The following BCL2 variants were observed in gnomAD, a reference collection of about 807,000 sequenced individuals.
BCL2 encodes BCL2 apoptosis regulator.
In BCL2, 1 loss-of-function variant was observed where a neutral mutation model predicts 14.2. The observed-to-expected ratio is 0.07, with a 90% CI of 0.02 to 0.33. The LOEUF is 0.33. BCL2 is among the 10% of genes least tolerant of loss of function. The pLI, the probability that BCL2 is intolerant of heterozygous loss-of-function variation, is 0.99. For synonymous variants in BCL2, 151 were observed against 137.2 expected, an observed-to-expected ratio of 1.10 and a Z score of -0.70; for missense variants, 247 against 305.9, an observed-to-expected ratio of 0.81 and a Z score of 1.44.
chr18:63,188,151 T>C (rs1225884627), intron 2 of BCL2, among the ~76,000 whole-genome samples: 3 of 152,206 alleles, frequency 2.0e-5, no homozygotes, highest in Non-Finnish European at 4.4e-5. Flanking sequence ...ATGTTTTCTA[T>C]CTCTTTTTAA....
At chr18:63,167,572 G>A (rs189985821) in intron 2 of BCL2, among the ~76,000 whole-genome samples, 203 of 152,218 alleles carry the variant, frequency 1.3e-3, no homozygotes, top group Non-Finnish European at 1.1e-3. Flanking sequence ...TTGAGCCTAA[G>A]AGTTTGAAAC....
rs372022076 is a variant in BCL2, at chr18:63,149,844, CATTTATTTATTTATTTATTT to C, written c.586-21105_586-21086del. Among the ~76,000 whole-genome samples the C allele has an allele frequency of 3.2e-3, 467 of 147,372 alleles. 1 individual carries two copies. The highest frequency in any genetic ancestry group is 0.011 in the African/African-American group (425 of 39,722). On this transcript the variant is annotated intron_variant, in intron 2 of 2. Coordinates refer to ENST00000333681, the MANE Select transcript of BCL2 (RefSeq NM_000633.3). This position sits in a 1 kb window ranked among gnomAD's most constrained non-coding sequence, Gnocchi z 4.2. ...CAGAAAGGGTTCTCCTGACATGAGG[CATTTATTTATTTATTTATTT>C]ATTTATTTATTTATTTATTTATTTA...
intron 2 of BCL2, among the ~76,000 whole-genome samples, chr18:63,222,076 T>A (rs150702208): frequency 1.1e-3 from 157 of 149,466 alleles, no homozygotes; most frequent in Non-Finnish European, 2.1e-3. Flanking sequence ...AGGTCAGGAG[T>A]TCAAAACTAG....
intron 2 of BCL2, among the ~76,000 whole-genome samples, chr18:63,211,839 C>T (rs552047921): frequency 2.8e-4 from 43 of 152,338 alleles, no homozygotes; most frequent in African/African-American, 9.1e-4. Flanking sequence ...CAGCCTGAAG[C>T]TCTTCAGTCA....
At position 63,216,532 on chromosome 18, in the gene BCL2, T is replaced by A. The variant is rs1249128889; in HGVS notation, c.586-87773A>T. The stretch of plus-strand genomic sequence containing the variant: ...CAAATGTCAAAGCTGGTTGATAGGA[T>A]CCAAAAATTACAGAGAACTGTAATT... On this transcript the variant is annotated intron_variant, in intron 2 of 2. Transcript: ENST00000333681. Among the ~76,000 whole-genome samples, 3 of 152,094 alleles carry A rather than the reference T, an allele frequency of 2.0e-5. No homozygotes were observed. In the East Asian group the frequency reaches 5.8e-4, roughly 29 times the overall value.
chr18:63,195,170 G>A (rs1260785802), intron 2 of BCL2, among the ~76,000 whole-genome samples: 1 of 152,140 alleles, frequency 6.6e-6, no homozygotes, highest in African/African-American at 2.4e-5. Flanking sequence ...TGGGGATTGG[G>A]AGCTAACTCT....
At chr18:63,289,946 A>G (rs980571916) in intron 2 of BCL2, among the ~76,000 whole-genome samples, 1 of 152,158 alleles carries the variant, frequency 6.6e-6, no homozygotes, top group Admixed American at 6.5e-5. Context: ...AAAGTATAAG[A>G]TAAACTGGAG....
Position 63,318,804 on chromosome 18 carries a change from C to T in BCL2, c.-138G>A, listed in dbSNP as rs1913598365. On this transcript the variant is annotated 5_prime_UTR_variant, in exon 2 of 3. Transcript: ENST00000333681. This position sits in a 1 kb window ranked among gnomAD's most constrained non-coding sequence, Gnocchi z 7.4. ...TTTGCATTCTTGGACGAGGGGGTGT[C>T]TTCAATCACGCGGAACACTTGATTC... 6.8e-7 allele frequency: 1 copy of T among 1,463,360 alleles called. No individual in the cohort carries two copies. Among genetic ancestry groups the T allele is most frequent in the Non-Finnish European group, 9.0e-7 (1 of 1,107,556 alleles). 90.6% of individuals were successfully genotyped at this position (1,463,360 alleles called of 1,614,324 possible).
intron 2 of BCL2, among the ~76,000 whole-genome samples, chr18:63,183,213 G>A (rs1915517200): frequency 6.6e-6 from 1 of 152,210 alleles, no homozygotes; most frequent in Non-Finnish European, 1.5e-5. Context: ...TGGAGGGCAA[G>A]CCACCAGAGA....
intron 2 of BCL2, among the ~76,000 whole-genome samples, chr18:63,298,349 C>T (rs1415300311): frequency 6.6e-6 from 1 of 152,212 alleles, no homozygotes; most frequent in African/African-American, 2.4e-5. Context: ...ATCTGGGAAA[C>T]CAAACTCACC....
At chr18:63,246,453 A>G (rs1911152983) in intron 2 of BCL2, among the ~76,000 whole-genome samples, 1 of 152,350 alleles carries the variant, frequency 6.6e-6, no homozygotes, top group South Asian at 2.1e-4. Flanking sequence ...AAGGCGAAAG[A>G]CATGGCGGCA....
intron 2 of BCL2, among the ~76,000 whole-genome samples, chr18:63,184,334 G>A (rs140204237): frequency 7.2e-5 from 11 of 152,362 alleles, no homozygotes; most frequent in African/African-American, 1.9e-4. Flanking sequence ...GAGAGAGCAT[G>A]GGCTGGCCAG....
chr18:63,237,262 G>A (rs1036829048), intron 2 of BCL2, among the ~76,000 whole-genome samples: 2 of 152,076 alleles, frequency 1.3e-5, no homozygotes. Context: ...GGGGGGAGGT[G>A]GGCGTGGCCT....
Position 63,125,742 on chromosome 18 carries a change from T to C in BCL2, c.*2883A>G. ...TTATATACATTCATTGCTTCTAACA[T>C]GTTTTTAACAATAAGGAAAATGCAA... On this transcript the variant is annotated 3_prime_UTR_variant, in exon 3 of 3. Coordinates refer to ENST00000333681, the MANE Select transcript of BCL2 (RefSeq NM_000633.3). 2 of 214,474 alleles carry C rather than the reference T, an allele frequency of 9.3e-6. No individual in the cohort carries two copies. The highest frequency in any genetic ancestry group is 1.9e-5 in the Non-Finnish European group (2 of 106,162). 13.3% of individuals were successfully genotyped at this position (214,474 alleles called of 1,614,324 possible).
At chr18:63,213,012 T>C (rs547233848) in intron 2 of BCL2, among the ~76,000 whole-genome samples, 1 of 152,326 alleles carries the variant, frequency 6.6e-6, no homozygotes, top group Admixed American at 6.5e-5. Flanking sequence ...AACTCATGTG[T>C]TGTTCATGAT....
intron 2 of BCL2, among the ~76,000 whole-genome samples, chr18:63,301,752 G>A (rs1364021591): frequency 6.6e-6 from 1 of 152,168 alleles, no homozygotes; most frequent in African/African-American, 2.4e-5. Context: ...AGAAGGGGCG[G>A]GGCTTTGTCC....
chr18:63,235,763 C>T (rs1240324253), intron 2 of BCL2, among the ~76,000 whole-genome samples: 1 of 151,568 alleles, frequency 6.6e-6, no homozygotes, highest in African/African-American at 2.4e-5. Flanking sequence ...TTATTCTCTG[C>T]ATTTTCTGTT....
chr18:63,285,921 C>T (rs4987726), intron 2 of BCL2, among the ~76,000 whole-genome samples: 4,621 of 152,332 alleles, frequency 0.03, 143 homozygotes, highest in East Asian at 0.096. Flanking sequence ...GCAGGTATAG[C>T]AACGTCCAGT....
At chr18:63,128,860 G>A (rs746706996) in intron 2 of BCL2, 101 bp from the exon 3 acceptor site, 116 of 640,658 alleles carry the variant, frequency 1.8e-4, no homozygotes, top group Admixed American at 2.9e-4. Flanking sequence ...GGGCAGCCTG[G>A]GCACCTTCAG....
Sources: gnomAD v4.1 joint callset for allele counts (sites outside exome capture counted in the v4.1 genomes callset) on GRCh38, gnomAD v4.1.1 for gene constraint, Gnocchi (gnomAD v3.1) non-coding constraint, MANE v1.5 for transcripts, NCBI Gene and HGNC (gene_info 2026-07-23, HGNC 2026-07-21) for gene names.